The following FRMPD4 variants were observed in gnomAD, a reference collection of about 807,000 sequenced individuals.
FRMPD4 encodes the protein FERM and PDZ domain containing 4, also known as FERM and PDZ domain-containing protein 4.
FRMPD4 carries 22 observed loss-of-function variants against 94.1 expected under a neutral mutation model. The observed-to-expected ratio is 0.23, with a 90% CI of 0.17 to 0.33. The LOEUF (loss-of-function observed/expected upper bound fraction) is 0.33, where lower values mean the gene tolerates loss of function less well. FRMPD4 is among the 10% of genes least tolerant of loss of function. The probability of loss-of-function intolerance (pLI) is 1.00; values close to 1 mark genes in which losing one functional copy is unlikely to be tolerated. For missense variants in FRMPD4, 1,111 were observed against 1,339.9 expected (o/e 0.83, Z 2.67); for synonymous variants, 631 against 548.6 (o/e 1.15, Z -2.10).
At chrX:12,420,529 C>T (rs1241537055) in intron 1 of FRMPD4, among the ~76,000 whole-genome samples, 1 of 111,988 alleles carries the variant, frequency 8.9e-6, no homozygotes, top group Non-Finnish European at 1.9e-5. Flanking sequence ...TGTGCTGGCT[C>T]CAAGGGCTTC....
intron 3 of FRMPD4, among the ~76,000 whole-genome samples, chrX:11,942,740 A>G (rs2054167703): frequency 8.9e-6 from 1 of 112,044 alleles, no homozygotes; most frequent in Non-Finnish European, 1.9e-5. Flanking sequence ...TAACCATTTT[A>G]AAGTATACAG....
chrX:12,420,642 C>A (rs2056871250), intron 1 of FRMPD4, among the ~76,000 whole-genome samples: 1 of 112,189 alleles, frequency 8.9e-6, no homozygotes, highest in African/African-American at 3.2e-5. Context: ...CACCTTCTTA[C>A]CCTGAACACA....
At chrX:12,293,668 A>G (rs1467424078) in intron 1 of FRMPD4, among the ~76,000 whole-genome samples, 1 of 112,457 alleles carries the variant, frequency 8.9e-6, no homozygotes, top group Non-Finnish European at 1.9e-5. Flanking sequence ...CTCATATAGC[A>G]GTGCTTTTTA....
At chrX:12,221,950 A>T (rs1034961432) in intron 1 of FRMPD4, among the ~76,000 whole-genome samples, 1 of 112,359 alleles carries the variant, frequency 8.9e-6, no homozygotes, top group African/African-American at 3.2e-5. Flanking sequence ...AGTTTAGCTC[A>T]TAAGTGAAAA....
intron 3 of FRMPD4, among the ~76,000 whole-genome samples, chrX:11,970,443 G>A (rs1601862940): frequency 8.9e-6 from 1 of 111,960 alleles, no homozygotes; most frequent in East Asian, 2.8e-4. Context: ...TCCGTCATTG[G>A]GGCAAATACA....
intron 4 of FRMPD4, among the ~76,000 whole-genome samples, chrX:12,655,366 A>T (rs2059642964): frequency 9.0e-6 from 1 of 111,544 alleles, no homozygotes; most frequent in South Asian, 3.8e-4. Context: ...CAACAATTTA[A>T]TTCAGCTGGC....
intron 1 of FRMPD4, among the ~76,000 whole-genome samples, chrX:12,162,855 G>T: frequency 9.0e-6 from 1 of 111,538 alleles, no homozygotes; most frequent in East Asian, 2.8e-4. Context: ...GGTGAAATTT[G>T]ACATGTTTCT....
intron 1 of FRMPD4, among the ~76,000 whole-genome samples, chrX:12,273,001 C>T (rs1184841197): frequency 9.2e-6 from 1 of 109,212 alleles, no homozygotes; most frequent in African/African-American, 3.3e-5. Context: ...CACTTGAACC[C>T]AGGAGGCAGA....
intron 2 of FRMPD4, among the ~76,000 whole-genome samples, chrX:12,544,404 T>TTAAC (rs2058452972): frequency 8.9e-6 from 1 of 111,835 alleles, no homozygotes; most frequent in South Asian, 3.8e-4. Flanking sequence ...TATATTTCTC[T>TTAAC]TAACTATTCA....
intron 3 of FRMPD4, among the ~76,000 whole-genome samples, chrX:11,883,707 G>A (rs1298307179): frequency 8.9e-6 from 1 of 111,965 alleles, no homozygotes. Context: ...GAATCTTCCA[G>A]TACGTATGCA....
At chrX:12,043,260 A>G (rs1175876075) in intron 3 of FRMPD4, among the ~76,000 whole-genome samples, 3 of 112,122 alleles carry the variant, frequency 2.7e-5, no homozygotes, top group Non-Finnish European at 5.6e-5. Flanking sequence ...GTATGTATGT[A>G]TGACTTTTTT....
intron 1 of FRMPD4, among the ~76,000 whole-genome samples, chrX:12,301,273 G>T (rs138707826): frequency 1.8e-5 from 2 of 111,918 alleles, no homozygotes; most frequent in Non-Finnish European, 3.8e-5. Flanking sequence ...AAATCAGATC[G>T]TGTCTTTCTT....
At chrX:12,418,363 T>TC (rs1308842396) in intron 1 of FRMPD4, among the ~76,000 whole-genome samples, 1 of 99,699 alleles carries the variant, frequency 1.0e-5, no homozygotes, top group Non-Finnish European at 2.0e-5. Context: ...TTTTTTTTTT[T>TC]TTTTTCTTTT....
At chrX:12,265,295 G>A (rs190876789) in intron 1 of FRMPD4, among the ~76,000 whole-genome samples, 2 of 112,232 alleles carry the variant, frequency 1.8e-5, no homozygotes, top group Admixed American at 9.4e-5. Flanking sequence ...TTGATGCTGC[G>A]GTTTGCTGGT....
intron 4 of FRMPD4, among the ~76,000 whole-genome samples, chrX:12,664,161 G>T (rs1489063638): frequency 1.8e-5 from 2 of 112,143 alleles, no homozygotes; most frequent in Non-Finnish European, 3.8e-5. Flanking sequence ...GAGACAATTT[G>T]ACTTCCTCTC....
At chrX:12,086,263 TAG>T (rs1190974127) in intron 3 of FRMPD4, among the ~76,000 whole-genome samples, 2 of 112,104 alleles carry the variant, frequency 1.8e-5, no homozygotes, top group African/African-American at 6.5e-5. Context: ...CAAATTTCTT[TAG>T]AGTGTTGAAG....
chrX:12,533,049 G>A (rs192030073), intron 2 of FRMPD4, among the ~76,000 whole-genome samples: 2 of 112,185 alleles, frequency 1.8e-5, no homozygotes, highest in East Asian at 2.8e-4. Context: ...AAAGGAAACT[G>A]ATATGGTTGG....
intron 3 of FRMPD4, among the ~76,000 whole-genome samples, chrX:12,025,500 C>T (rs1252646476): frequency 8.9e-6 from 1 of 111,933 alleles, no homozygotes; most frequent in Non-Finnish European, 1.9e-5. Context: ...CATTTTGTCA[C>T]ATCTTTGTGT....
intron 3 of FRMPD4, among the ~76,000 whole-genome samples, chrX:11,896,132 G>A (rs1357557472): frequency 8.9e-6 from 1 of 112,059 alleles, no homozygotes; most frequent in Non-Finnish European, 1.9e-5. Flanking sequence ...GAGCTCTTTA[G>A]GCTATCATAG....
Sources: allele counts gnomAD v4.1 joint callset (sites outside exome capture counted in the v4.1 genomes callset), GRCh38; gene constraint gnomAD v4.1.1; transcripts MANE v1.5; gene names NCBI Gene and HGNC (gene_info 2026-07-23, HGNC 2026-07-21).